Variants in ATP8A1 observed in about 807,000 individuals in gnomAD.
The protein encoded by ATP8A1 is ATPase phospholipid transporting 8A1, also known as phospholipid-transporting ATPase IA.
In ATP8A1, 90 loss-of-function variants were observed where a neutral mutation model predicts 177.7. That is an observed-to-expected ratio of 0.51 (90% CI 0.43 to 0.60). The LOEUF is 0.60. ATP8A1 is among the 20% of genes least tolerant of loss of function. ATP8A1 has a pLI of 0.00. For synonymous variants in ATP8A1, 493 were observed against 485.9 expected (o/e 1.01, Z -0.19); for missense variants, 1,072 against 1,392.8 (o/e 0.77, Z 3.67).
chr4:42,618,758 G>GT (rs758777612), intron 4 of ATP8A1, among the ~76,000 whole-genome samples: 1 of 152,156 alleles, frequency 6.6e-6, no homozygotes, highest in African/African-American at 2.4e-5. Flanking sequence ...TTAGATAGTG[G>GT]TAAGTCTTGT....
rs754401459 is a variant in ATP8A1 at position 42,581,647 on chromosome 4, T to C, written c.808A>G (p.Thr270Ala). The change falls in exon 10 of 37, where the codon ACT (threonine) becomes GCT (alanine). Residue 270 changes from threonine (T) to alanine (A), a missense_variant. Transcript: ENST00000381668. ...TQWVHGIVVY[T>A]GHDTKLMQNS... is the part of the protein sequence containing the mutation. ...TGCATCAGCTTGGTGTCATGTCCAGTGTAGACAACTATTCCATGAACCCAC... is the reference window on the plus strand; with the variant it reads ...TGCATCAGCTTGGTGTCATGTCCAGCGTAGACAACTATTCCATGAACCCAC... The C allele has an allele frequency of 2.5e-6, 4 of 1,614,090 alleles. No individual in the cohort carries two copies. The East Asian group carries it at 8.9e-5, about 36-fold the overall frequency.
At chr4:42,601,295 C>A (rs1382118354) in intron 5 of ATP8A1, among the ~76,000 whole-genome samples, 5 of 151,368 alleles carry the variant, frequency 3.3e-5, no homozygotes, top group Non-Finnish European at 7.4e-5. Flanking sequence ...CTCAGCCTCC[C>A]AAAGTGCTTG....
At chr4:42,524,190 G>A (rs1039602157) in intron 21 of ATP8A1, among the ~76,000 whole-genome samples, 3 of 152,118 alleles carry the variant, frequency 2.0e-5, no homozygotes, top group Non-Finnish European at 2.9e-5. Flanking sequence ...TATTTCAGGA[G>A]GACAGAGAGA....
chr4:42,466,123 T>C (rs1719738674), intron 25 of ATP8A1, among the ~76,000 whole-genome samples: 1 of 150,608 alleles, frequency 6.6e-6, no homozygotes, highest in African/African-American at 2.4e-5. Context: ...CTGTCTACAC[T>C]GTATTGGAAA....
chr4:42,539,707 T>C (rs1017385784), intron 20 of ATP8A1, among the ~76,000 whole-genome samples: 1 of 152,114 alleles, frequency 6.6e-6, no homozygotes, highest in African/African-American at 2.4e-5. Context: ...ATGCTTCTTC[T>C]TCAATAAATG....
At chr4:42,580,046 T>A (rs763962894) in intron 10 of ATP8A1, 68 bp from the exon 11 acceptor site, 67 of 1,266,970 alleles carry the variant, frequency 5.3e-5, no homozygotes, top group Non-Finnish European at 6.9e-5. Context: ...TACTTAGTAT[T>A]CTGTTGAGGA....
chr4:42,584,600 A>C (rs1733431021), intron 9 of ATP8A1, among the ~76,000 whole-genome samples: 1 of 152,182 alleles, frequency 6.6e-6, no homozygotes, highest in South Asian at 2.1e-4. Flanking sequence ...CTTGGTCTCC[A>C]TCTCTTTCAC....
intron 15 of ATP8A1, chr4:42,562,112 G>A (rs916857329): frequency 2.0e-5 from 3 of 152,190 alleles, no homozygotes; most frequent in African/African-American, 7.2e-5. Context: ...ACACGCTGAT[G>A]ATATCTCCTA....
chr4:42,610,722 T>A (rs1736283082), intron 5 of ATP8A1, among the ~76,000 whole-genome samples: 1 of 152,216 alleles, frequency 6.6e-6, no homozygotes. Context: ...CAGATCTTTG[T>A]GACAATCTGA....
At chr4:42,469,699 T>C (rs891613607) in intron 25 of ATP8A1, among the ~76,000 whole-genome samples, 1 of 152,102 alleles carries the variant, frequency 6.6e-6, no homozygotes, top group Non-Finnish European at 1.5e-5. Flanking sequence ...GTAACAGAAA[T>C]AGCACATAAT....
chr4:42,419,355 T>C (rs545850696), intron 35 of ATP8A1, among the ~76,000 whole-genome samples: 1 of 152,170 alleles, frequency 6.6e-6, no homozygotes, highest in South Asian at 2.1e-4. Context: ...CTCAATCTAG[T>C]AGGGGGAAAA....
intron 33 of ATP8A1, among the ~76,000 whole-genome samples, chr4:42,432,111 T>C (rs1715373959): frequency 6.6e-6 from 1 of 152,132 alleles, no homozygotes; most frequent in Non-Finnish European, 1.5e-5. Flanking sequence ...CAGTTACCCA[T>C]AATAGGCTCT....
At chr4:42,595,387 AG>A (rs1460162421) in intron 6 of ATP8A1, among the ~76,000 whole-genome samples, 1 of 152,118 alleles carries the variant, frequency 6.6e-6, no homozygotes, top group Non-Finnish European at 1.5e-5. Flanking sequence ...AGGTTGGGGC[AG>A]GGGTATTGTC....
chr4:42,437,606 C>A (rs2153172835), intron 33 of ATP8A1, among the ~76,000 whole-genome samples: 1 of 152,258 alleles, frequency 6.6e-6, no homozygotes, highest in South Asian at 2.1e-4. Flanking sequence ...CCCCTAACCC[C>A]CGATATCGTA....
chr4:42,531,538 A>G (rs1356226278), intron 20 of ATP8A1, among the ~76,000 whole-genome samples: 1 of 152,238 alleles, frequency 6.6e-6, no homozygotes, highest in Non-Finnish European at 1.5e-5. Flanking sequence ...CTTCACAGCT[A>G]TTCAAAATAG....
intron 1 of ATP8A1, among the ~76,000 whole-genome samples, chr4:42,643,507 C>T (rs1740216164): frequency 1.3e-5 from 2 of 152,014 alleles, no homozygotes; most frequent in Admixed American, 1.3e-4. Context: ...TTTTAAAATT[C>T]CATAACCTAG....
At chr4:42,540,914 T>C (rs974634194) in intron 20 of ATP8A1, among the ~76,000 whole-genome samples, 5 of 152,164 alleles carry the variant, frequency 3.3e-5, no homozygotes, top group African/African-American at 1.2e-4. Flanking sequence ...AAAAGATGTA[T>C]TGTACTAAGC....
chr4:42,565,336 T>C lies in ATP8A1; in HGVS notation c.1340+3825A>G, dbSNP rs532760281. Reference sequence around the variant, plus strand: ...CTAACATTAATTTGGATGTGTCAGATCTCTTTGTTATACAGTCACACCTGG... The same window carrying C: ...CTAACATTAATTTGGATGTGTCAGACCTCTTTGTTATACAGTCACACCTGG... On this transcript the variant is annotated intron_variant, in intron 15 of 36. Coordinates refer to ENST00000381668, the MANE Select transcript of ATP8A1 (RefSeq NM_006095.2). 2.6e-5 allele frequency among the ~76,000 whole-genome samples: 4 copies of C among 152,284 alleles called. No individual in the cohort carries two copies. In the East Asian group the frequency reaches 7.7e-4, roughly 29 times the overall value.
chr4:42,461,212 A>G (rs1357214941), intron 27 of ATP8A1, among the ~76,000 whole-genome samples: 1 of 150,828 alleles, frequency 6.6e-6, no homozygotes, highest in Non-Finnish European at 1.5e-5. Context: ...GAATACATTG[A>G]GCTAGATAAA....
Sources: allele counts gnomAD v4.1 joint callset (sites outside exome capture counted in the v4.1 genomes callset), GRCh38; gene constraint gnomAD v4.1.1; transcripts MANE v1.5; gene names NCBI Gene and HGNC (gene_info 2026-07-23, HGNC 2026-07-21).